The following PIK3CD variants were observed in gnomAD, a reference collection of about 807,000 sequenced individuals.
PIK3CD encodes phosphatidylinositol-4,5-bisphosphate 3-kinase catalytic subunit delta, also known as phosphatidylinositol 4,5-bisphosphate 3-kinase catalytic subunit delta isoform.
PIK3CD carries 20 observed loss-of-function variants against 122.9 expected under a neutral mutation model. The ratio of observed to expected loss-of-function variants is 0.16; its 90% confidence interval spans 0.11 to 0.24. PIK3CD has a LOEUF of 0.24. PIK3CD is among the 10% of genes least tolerant of loss of function. PIK3CD has a pLI of 1.00. For synonymous variants in PIK3CD, 596 were observed against 593.4 expected (o/e 1.00, Z -0.06); for missense variants, 787 against 1,406.3 (o/e 0.56, Z 7.04).
At chr1:9,676,674 T>C (rs1204695642) in intron 1 of PIK3CD, among the ~76,000 whole-genome samples, 1 of 152,154 alleles carries the variant, frequency 6.6e-6, no homozygotes, top group East Asian at 1.9e-4. Flanking sequence ...AAGAGCAGGC[T>C]CCAGAATAAA....
chr1:9,713,975 C>T (rs1647162642), intron 3 of PIK3CD, among the ~76,000 whole-genome samples: 1 of 150,108 alleles, frequency 6.7e-6, no homozygotes, highest in African/African-American at 2.5e-5. Flanking sequence ...ATCTCAGCCT[C>T]CTGAGTAGCT....
chr1:9,670,780 T>C (rs1310940613), intron 1 of PIK3CD, among the ~76,000 whole-genome samples: 1 of 152,092 alleles, frequency 6.6e-6, no homozygotes, highest in African/African-American at 2.4e-5. Flanking sequence ...TTTTTTTAGA[T>C]GGAGTCTCGC....
At chr1:9,653,848 G>A (rs1208765335) in intron 1 of PIK3CD, 1 of 1,367,576 alleles carries the variant, frequency 7.3e-7, no homozygotes, top group South Asian at 1.1e-5. Flanking sequence ...CCTGGGCTTG[G>A]TCCTCTTTTG....
chr1:9,691,644 G>A (rs1646199861), intron 2 of PIK3CD, 73 bp downstream of exon 2: 1 of 397,768 alleles, frequency 2.5e-6, no homozygotes, highest in Non-Finnish European at 4.4e-6. Flanking sequence ...GGTTAAGAAT[G>A]TGAACAAACC....
chr1:9,696,473 T>C (rs1053319578), intron 2 of PIK3CD, among the ~76,000 whole-genome samples: 2 of 151,316 alleles, frequency 1.3e-5, no homozygotes. Flanking sequence ...TAAAATTGGC[T>C]AGGTATGGTG....
chr1:9,724,168 C>G lies in PIK3CD; in HGVS notation c.2718+76C>G, dbSNP rs1649126994. ...AGCCTGCTGGCCCCTCTGCCTAGCACACAGCTCTGTGGCAGGGGTCCCCCA... is the reference window on the plus strand; with the variant it reads ...AGCCTGCTGGCCCCTCTGCCTAGCAGACAGCTCTGTGGCAGGGGTCCCCCA... On this transcript the variant is annotated intron_variant, in intron 21 of 23. Transcript: ENST00000377346. The surrounding 1 kb of genome is among the most constrained non-coding windows in gnomAD (Gnocchi z 7.3). 1 of 1,613,514 alleles carries G rather than the reference C, an allele frequency of 6.2e-7. No homozygotes were observed. Among genetic ancestry groups the G allele is most frequent in the Non-Finnish European group, 8.5e-7 (1 of 1,179,956 alleles).
chr1:9,642,583 G>T, the PIK3CD span, among the ~76,000 whole-genome samples: 1 of 150,412 alleles, frequency 6.6e-6, no homozygotes, highest in African/African-American at 2.4e-5. Flanking sequence ...CGGGCGCAGT[G>T]GCGGGTGCCT....
intron 1 of PIK3CD, chr1:9,654,695 C>G: frequency 2.9e-6 from 1 of 348,080 alleles, no homozygotes; most frequent in Non-Finnish European, 5.6e-6. Flanking sequence ...TCCCTGAGGC[C>G]AGCTGCCGGT....
the PIK3CD span, among the ~76,000 whole-genome samples, chr1:9,634,176 C>CA: frequency 2.7e-5 from 3 of 112,588 alleles, no homozygotes; most frequent in African/African-American, 1.1e-4. Flanking sequence ...TTTTTTGAGA[C>CA]AAAGTCTCAC....
chr1:9,637,774 C>T, the PIK3CD span, among the ~76,000 whole-genome samples: 3 of 152,016 alleles, frequency 2.0e-5, no homozygotes, highest in Admixed American at 6.6e-5. Context: ...GCTGCAGACA[C>T]GGGAATACCT....
At chr1:9,702,453 G>A (rs1195241049) in intron 2 of PIK3CD, among the ~76,000 whole-genome samples, 5 of 144,218 alleles carry the variant, frequency 3.5e-5, no homozygotes, top group Admixed American at 2.1e-4. Flanking sequence ...CACAGAGATC[G>A]GAGTTTGACT....
chr1:9,692,600 G>A lies in PIK3CD; in HGVS notation c.-33+1029G>A, dbSNP rs191444772. ...AAAAAATTAGCTGGGCGTAGTGGTG[G>A]GCACCTGTAATCCCAGCTACTCGAG... On this transcript the variant is annotated intron_variant, in intron 2 of 23. Coordinates refer to ENST00000377346, the MANE Select transcript of PIK3CD (RefSeq NM_005026.5). Among the ~76,000 whole-genome samples the A allele has an allele frequency of 6.2e-4, 95 of 152,022 alleles. No homozygotes were observed. In the East Asian group the frequency reaches 8.3e-3, roughly 13 times the overall value.
chr1:9,685,157 A>G (rs184312156), intron 1 of PIK3CD, among the ~76,000 whole-genome samples: 8 of 152,294 alleles, frequency 5.3e-5, no homozygotes, highest in Admixed American at 2.6e-4. Context: ...GCCTCTTATA[A>G]TTAGGTCCCT....
chr1:9,633,150 C>A, the PIK3CD span, among the ~76,000 whole-genome samples: 1 of 152,090 alleles, frequency 6.6e-6, no homozygotes, highest in African/African-American at 2.4e-5. Flanking sequence ...CGTGAGCCAC[C>A]GTGCCTGATC....
chr1:9,692,828 CCTT>C (rs1355461440), intron 2 of PIK3CD, among the ~76,000 whole-genome samples: 3 of 152,292 alleles, frequency 2.0e-5, no homozygotes, highest in Admixed American at 2.0e-4. Flanking sequence ...GCCCAGAACT[CCTT>C]CTGCTCAGCA....
chr1:9,676,566 G>A (rs959202520), intron 1 of PIK3CD, among the ~76,000 whole-genome samples: 2 of 152,250 alleles, frequency 1.3e-5, no homozygotes, highest in African/African-American at 4.8e-5. Context: ...CCAACCCCTA[G>A]GCCTCTTTTG....
Position 9,724,256 on chromosome 1 carries a change from C to G in PIK3CD, c.2719-20C>G. 1.9e-6 allele frequency: 3 copies of G among 1,613,970 alleles called. 1 individual carries two copies. The highest frequency in any genetic ancestry group is 2.2e-5 in the South Asian group (2 of 91,080). Reference sequence around the variant, plus strand: ...GTCTGACACCTTCTCAATCCTCCCCCTCCTCTCCCCTCCCCTCAGCTGTTC... The same window carrying G: ...GTCTGACACCTTCTCAATCCTCCCCGTCCTCTCCCCTCCCCTCAGCTGTTC... On this transcript the variant is annotated intron_variant, in intron 21 of 23. Transcript: ENST00000377346. The surrounding 1 kb of genome is among the most constrained non-coding windows in gnomAD (Gnocchi z 7.3).
chr1:9,721,353 C>T (rs866927308), intron 14 of PIK3CD, 91 bp from the exon 15 acceptor site: 13 of 1,608,434 alleles, frequency 8.1e-6, no homozygotes, highest in Admixed American at 1.7e-5. Flanking sequence ...GGGCTTGCTC[C>T]CTCCTGCCTG....
intron 1 of PIK3CD, chr1:9,680,902 C>T (rs1435315172): frequency 1.3e-5 from 2 of 152,156 alleles, no homozygotes; most frequent in South Asian, 2.1e-4. Context: ...ATACAGGAGC[C>T]GCTTCGTTGG....
Sources: gnomAD v4.1 joint callset for allele counts (sites outside exome capture counted in the v4.1 genomes callset) on GRCh38, gnomAD v4.1.1 for gene constraint, Gnocchi (gnomAD v3.1) non-coding constraint, MANE v1.5 for transcripts, NCBI Gene and HGNC (gene_info 2026-07-23, HGNC 2026-07-21) for gene names.